RNF220: variants seen among roughly 807,000 people sequenced by gnomAD.
The protein encoded by RNF220 is E3 ubiquitin-protein ligase RNF220.
A neutral mutation model predicts 67.1 loss-of-function variants in RNF220; 7 were observed. The ratio of observed to expected loss-of-function variants is 0.10; its 90% confidence interval spans 0.06 to 0.20. The LOEUF (loss-of-function observed/expected upper bound fraction) is 0.20, where lower values mean the gene tolerates loss of function less well. Among genes scored for constraint, RNF220 ranks in the 10% least tolerant of loss-of-function variants. The pLI is 1.00. For synonymous variants in RNF220, 270 were observed against 283.2 expected, an observed-to-expected ratio of 0.95 and a Z score of 0.47; for missense variants, 565 against 740.3, an observed-to-expected ratio of 0.76 and a Z score of 2.75.
rs980347825 is a variant in RNF220, at chr1:44,531,689, A to T, written c.626-82476A>T. ...GAGAAAGACAGCCCCCAAAGCCATGACACTTTGGGGTCAGAAGAGCCCTTC... is the reference window on the plus strand; with the variant it reads ...GAGAAAGACAGCCCCCAAAGCCATGTCACTTTGGGGTCAGAAGAGCCCTTC... On this transcript the variant is annotated intron_variant, in intron 2 of 14. Transcript: ENST00000361799. Among the ~76,000 whole-genome samples, 17 of 152,176 alleles carry T rather than the reference A, an allele frequency of 1.1e-4. No individual in the cohort carries two copies. The South Asian group carries it at 2.5e-3, about 22-fold the overall frequency.
At chr1:44,471,367 A>G (rs1654791040) in intron 2 of RNF220, among the ~76,000 whole-genome samples, 1 of 151,996 alleles carries the variant, frequency 6.6e-6, no homozygotes, top group Non-Finnish European at 1.5e-5. Flanking sequence ...CAGAGGTTGT[A>G]GTGAGCCAAG....
At chr1:44,603,471 C>T (rs1667070441) in intron 2 of RNF220, among the ~76,000 whole-genome samples, 1 of 152,238 alleles carries the variant, frequency 6.6e-6, no homozygotes, top group Non-Finnish European at 1.5e-5. Flanking sequence ...AGTCTGGGCC[C>T]AGACCCAAGC....
At chr1:44,426,098 T>C (rs1284103805) in intron 2 of RNF220, among the ~76,000 whole-genome samples, 1 of 152,224 alleles carries the variant, frequency 6.6e-6, no homozygotes, top group Non-Finnish European at 1.5e-5. Flanking sequence ...AAATCCCCAC[T>C]GAAAGAAGTT....
At chr1:44,466,581 G>C (rs565685165) in intron 2 of RNF220, among the ~76,000 whole-genome samples, 1 of 152,240 alleles carries the variant, frequency 6.6e-6, no homozygotes, top group Non-Finnish European at 1.5e-5. Flanking sequence ...AGACTTGAAA[G>C]TTGAAATTAC....
intron 2 of RNF220, among the ~76,000 whole-genome samples, chr1:44,449,858 C>A (rs1039302288): frequency 6.6e-6 from 1 of 152,194 alleles, no homozygotes; most frequent in Non-Finnish European, 1.5e-5. Flanking sequence ...GCAAATACAT[C>A]TGTACCTGCA....
chr1:44,650,917 C>G lies in RNF220; in HGVS notation c.*142C>G. On this transcript the variant is annotated 3_prime_UTR_variant, in exon 15 of 15. Transcript: ENST00000361799. The surrounding 1 kb of genome is among the most constrained non-coding windows in gnomAD (Gnocchi z 4.3). ...ACATACTCAAACATGCGTACACACA[C>G]ACACATTTACACACGCAGGACTCTG... is the stretch of plus-strand genomic sequence containing the variant. 1.4e-6 allele frequency: 1 copy of G among 704,586 alleles called. No homozygotes were observed. Among genetic ancestry groups the G allele is most frequent in the Non-Finnish European group, 2.5e-6 (1 of 399,726 alleles). 43.6% of individuals were successfully genotyped at this position (704,586 alleles called of 1,614,324 possible).
chr1:44,631,803 T>A (rs992608824), intron 5 of RNF220: 4 of 684,588 alleles, frequency 5.8e-6, no homozygotes, highest in Non-Finnish European at 7.2e-6. Flanking sequence ...TCGCAGCCGC[T>A]AAAGATTGGG....
intron 8 of RNF220, among the ~76,000 whole-genome samples, chr1:44,639,767 T>C (rs1644434953): frequency 6.6e-6 from 1 of 152,098 alleles, no homozygotes; most frequent in African/African-American, 2.4e-5. Context: ...TTTCTCTTCT[T>C]TTCTTTTCTT....
chr1:44,523,864 C>G (rs1660140021), intron 2 of RNF220, among the ~76,000 whole-genome samples: 1 of 152,182 alleles, frequency 6.6e-6, no homozygotes, highest in Non-Finnish European at 1.5e-5. Context: ...GCTGCAGGTG[C>G]AGACAAACCT....
chr1:44,628,989 T>C (rs1644036653), intron 5 of RNF220, among the ~76,000 whole-genome samples: 1 of 152,250 alleles, frequency 6.6e-6, no homozygotes, highest in Admixed American at 6.5e-5. Context: ...TATGATGCTG[T>C]GGTTGACTGG....
intron 2 of RNF220, among the ~76,000 whole-genome samples, chr1:44,491,799 G>T (rs1656879845): frequency 6.6e-6 from 1 of 152,092 alleles, no homozygotes; most frequent in Non-Finnish European, 1.5e-5. Flanking sequence ...GAGTAGCTGG[G>T]ACCACAGGTG....
At chr1:44,441,916 G>A (rs928344005) in intron 2 of RNF220, among the ~76,000 whole-genome samples, 2 of 152,180 alleles carry the variant, frequency 1.3e-5, no homozygotes, top group South Asian at 4.1e-4. Context: ...ACGTTACATT[G>A]AGGTTCACAT....
At chr1:44,647,015 G>A (rs772198969) in intron 12 of RNF220, among the ~76,000 whole-genome samples, 4 of 152,176 alleles carry the variant, frequency 2.6e-5, no homozygotes, top group South Asian at 2.1e-4. Context: ...TGGGTATTTC[G>A]CCAGAGCCAA....
intron 2 of RNF220, among the ~76,000 whole-genome samples, chr1:44,431,583 G>A (rs575962256): frequency 2.0e-5 from 3 of 151,800 alleles, no homozygotes; most frequent in Non-Finnish European, 4.4e-5. Flanking sequence ...GCAGATGTGA[G>A]TGCTAAATGG....
chr1:44,632,288 G>A, intron 5 of RNF220, 55 bp from the exon 6 acceptor site: 3 of 1,613,922 alleles, frequency 1.9e-6, no homozygotes, highest in Non-Finnish European at 2.5e-6. Context: ...AGGACTGCAG[G>A]CCGCGCCTGA....
intron 2 of RNF220, among the ~76,000 whole-genome samples, chr1:44,550,140 T>C (rs377683047): frequency 2.0e-5 from 3 of 152,190 alleles, no homozygotes; most frequent in African/African-American, 7.2e-5. Flanking sequence ...GCCAAAAAGA[T>C]AGCATGAGCG....
chr1:44,506,422 A>G (rs1263784242), intron 2 of RNF220, among the ~76,000 whole-genome samples: 1 of 152,246 alleles, frequency 6.6e-6, no homozygotes, highest in Non-Finnish European at 1.5e-5. Flanking sequence ...CATGTGCCAT[A>G]CACATATTTC....
intron 2 of RNF220, among the ~76,000 whole-genome samples, chr1:44,607,090 C>T (rs533292058): frequency 1.4e-4 from 22 of 152,188 alleles, no homozygotes; most frequent in African/African-American, 4.8e-4. Flanking sequence ...TTAACTTCCA[C>T]GTCCAATCCA....
chr1:44,424,009 T>G (rs1239978932), intron 2 of RNF220: 1 of 985,326 alleles, frequency 1.0e-6, no homozygotes, highest in Non-Finnish European at 1.2e-6. Context: ...GCCTCTTATC[T>G]TCATCATCGC....
Sources: gnomAD v4.1 joint callset for allele counts (sites outside exome capture counted in the v4.1 genomes callset) on GRCh38, gnomAD v4.1.1 for gene constraint, Gnocchi (gnomAD v3.1) non-coding constraint, MANE v1.5 for transcripts, NCBI Gene and HGNC (gene_info 2026-07-23, HGNC 2026-07-21) for gene names.